The following KCNH4 variants were observed in gnomAD, a reference collection of about 807,000 sequenced individuals.
KCNH4 encodes potassium voltage-gated channel subfamily H member 4, also known as voltage-gated delayed rectifier potassium channel KCNH4.
In KCNH4, 33 loss-of-function variants were observed where a neutral mutation model predicts 90.7. The ratio of observed to expected loss-of-function variants is 0.36; its 90% confidence interval spans 0.28 to 0.49. The LOEUF (loss-of-function observed/expected upper bound fraction) is 0.49. Among genes scored for constraint, KCNH4 ranks in the 20% least tolerant of loss-of-function variants. The probability of loss-of-function intolerance (pLI) is 0.98; values close to 1 mark genes in which losing one functional copy is unlikely to be tolerated. For synonymous variants in KCNH4, 551 were observed against 581.7 expected (o/e 0.95, Z 0.76); for missense variants, 1,044 against 1,387.1 (o/e 0.75, Z 3.93).
In KCNH4 at chr17:42,158,856, A is replaced by AT. The variant is rs1240646600; in HGVS notation, c.*309+874dup. On this transcript the variant is annotated intron_variant, in intron 16 of 16. Transcript: ENST00000264661. ...TCTATAAAAAAATATATATATATATATTTTTTTTATAGAGATAGGGTCTCG... is the reference window on the plus strand; with the variant it reads ...TCTATAAAAAAATATATATATATATATTTTTTTTTATAGAGATAGGGTCTCG... Among the ~76,000 whole-genome samples the AT allele has an allele frequency of 8.8e-4, 132 of 149,916 alleles. 1 individual carries two copies. Among genetic ancestry groups the AT allele is most frequent in the Non-Finnish European group, 1.1e-3 (77 of 67,576 alleles).
In KCNH4 at chr17:42,181,019, C is replaced by T; in HGVS notation, c.-74G>A. The T allele has an allele frequency of 1.4e-6, 2 of 1,398,844 alleles. No individual in the cohort carries two copies. Among genetic ancestry groups the T allele is most frequent in the Non-Finnish European group, 2.0e-6 (2 of 1,012,256 alleles). 86.7% of individuals were successfully genotyped at this position (1,398,844 alleles called of 1,614,324 possible). On this transcript the variant is annotated 5_prime_UTR_variant, in exon 1 of 17. Coordinates refer to ENST00000264661, the MANE Select transcript of KCNH4 (RefSeq NM_012285.3). ...GGCCGGGCCGGAGGGGGCGCGCTGT[C>T]GGAGGGGCCGGGGCGCCCCATGCGC...
chr17:42,174,306 C>T (rs150251044), intron 6 of KCNH4, among the ~76,000 whole-genome samples: 2 of 152,224 alleles, frequency 1.3e-5, no homozygotes, highest in East Asian at 3.9e-4. Context: ...CCGTGGGGCT[C>T]CCATGTGATG....
intron 11 of KCNH4, 143 bp from the exon 12 acceptor site, chr17:42,164,311 C>A: frequency 1.4e-6 from 1 of 696,710 alleles, no homozygotes; most frequent in South Asian, 2.1e-5. Context: ...AACCCTAACT[C>A]AAACAAACAC....
chr17:42,161,051 C>T lies in KCNH4; in HGVS notation c.2659-616G>A, dbSNP rs144106201. ...ACGAGATTCTCCTGCCTCAGCCTCC[C>T]AAGTAGCCGAGACTATAGGTGTGTG... is the stretch of plus-strand genomic sequence containing the variant. On this transcript the variant is annotated intron_variant, in intron 15 of 16. Transcript: ENST00000264661. Among the ~76,000 whole-genome samples the T allele has an allele frequency of 6.1e-4, 92 of 150,150 alleles. No homozygotes were observed. The East Asian group carries it at 0.018, about 30-fold the overall frequency.
chr17:42,161,868 C>T (rs558877459), intron 15 of KCNH4, among the ~76,000 whole-genome samples: 1 of 151,436 alleles, frequency 6.6e-6, no homozygotes. Context: ...AAGTTCAGAG[C>T]GGTTGTGGGA....
rs1217438067 is a variant in KCNH4, at chr17:42,175,672, ACGAGGAG to A, written c.887_893del (p.Ala296ValfsTer32). On this transcript the variant is annotated frameshift_variant, in exon 6 of 17. Transcript: ENST00000264661. LOFTEE classifies it high-confidence loss of function. ...TGGCCAGGTAGTGGAGGCCAATGGAACGAGGAGCAGAGATTACCTGGCCGGACTGGGA... is the reference window on the plus strand; with the variant it reads ...TGGCCAGGTAGTGGAGGCCAATGGAACAGAGATTACCTGGCCGGACTGGGA... 6.2e-7 allele frequency: 1 copy of A among 1,614,146 alleles called. No homozygotes were observed. The highest frequency in any genetic ancestry group is 8.5e-7 in the Non-Finnish European group (1 of 1,180,008).
In KCNH4 at chr17:42,165,105, C is replaced by CA. The variant is rs572673540; in HGVS notation, c.2085+343dup. 4.6e-3 allele frequency among the ~76,000 whole-genome samples: 541 copies of CA among 116,500 alleles called. 3 individuals carry two copies. Among genetic ancestry groups the CA allele is most frequent in the East Asian group, 0.015 (60 of 3,946 alleles). The allele number at this position is 116,500 out of a possible 152,430, so 76.4% of individuals were successfully genotyped here. On this transcript the variant is annotated intron_variant, in intron 11 of 16. Transcript: ENST00000264661. ...TGGGCGACAGAGTAAGACTTCGTCT[C>CA]AAAAAAAAAAAACAAAACCCAAAAA...
chr17:42,158,892 C>A (rs61198758), intron 16 of KCNH4, among the ~76,000 whole-genome samples: 1 of 151,630 alleles, frequency 6.6e-6, no homozygotes, highest in Non-Finnish European at 1.5e-5. Context: ...CTATGTTGCT[C>A]AGGTGGATCT....
intron 5 of KCNH4, 140 bp from the exon 6 acceptor site, chr17:42,175,876 G>A (rs1006283059): frequency 2.4e-6 from 3 of 1,266,852 alleles, no homozygotes; most frequent in Non-Finnish European, 3.4e-6. Flanking sequence ...CCTTAGGGAG[G>A]ATAGGTTACA....
chr17:42,157,991 C>T lies in KCNH4; in HGVS notation c.*310-873G>A, dbSNP rs960713716. Among the ~76,000 whole-genome samples the T allele has an allele frequency of 3.3e-5, 5 of 152,078 alleles. No individual in the cohort carries two copies. The East Asian group carries it at 5.9e-4, about 18-fold the overall frequency. Reference sequence around the variant, plus strand: ...TTGCCCAGACTTGAGAGCAATGGCACGATCTCGGCTCACTGCACCCTCCAC... The same window carrying T: ...TTGCCCAGACTTGAGAGCAATGGCATGATCTCGGCTCACTGCACCCTCCAC... On this transcript the variant is annotated intron_variant, in intron 16 of 16. Transcript: ENST00000264661.
chr17:42,162,414 G>A, intron 14 of KCNH4, 93 bp from the exon 15 acceptor site: 1 of 1,043,112 alleles, frequency 9.6e-7, no homozygotes. Context: ...GGCAGGCGGA[G>A]AGCAGGGGGA....
chr17:42,175,506 G>A, intron 6 of KCNH4, 73 bp downstream of exon 6: 2 of 1,551,526 alleles, frequency 1.3e-6, no homozygotes, highest in Non-Finnish European at 1.8e-6. Context: ...TGGGTTTGGG[G>A]TCAGTCCCTT....
chr17:42,163,310 A>G lies in KCNH4; in HGVS notation c.2502T>C (p.Ser834=). The change falls in exon 14 of 17, where the codon TCT becomes TCC. Residue 834 remains serine, a synonymous_variant. Coordinates refer to ENST00000264661, the MANE Select transcript of KCNH4 (RefSeq NM_012285.3). This position sits in a 1 kb window ranked among gnomAD's most constrained non-coding sequence, Gnocchi z 5.4. The part of the protein sequence containing the change: ...SPRIVDGIED[S]GSTAEAPSFR... ...ATGAAGGGGCCTCAGCTGTGCTGCCAGAGTCCTCAATGCCATCCACTATCC... is the reference window on the plus strand; with the variant it reads ...ATGAAGGGGCCTCAGCTGTGCTGCCGGAGTCCTCAATGCCATCCACTATCC... 6.2e-7 allele frequency: 1 copy of G among 1,613,930 alleles called. No individual in the cohort carries two copies. Among genetic ancestry groups the G allele is most frequent in the Non-Finnish European group, 8.5e-7 (1 of 1,179,874 alleles).
intron 3 of KCNH4, 25 bp from the exon 4 acceptor site, chr17:42,178,252 T>A (rs941568060): frequency 6.2e-7 from 1 of 1,614,208 alleles, no homozygotes; most frequent in African/African-American, 1.3e-5. Flanking sequence ...GGTGCAGAGA[T>A]ACGTTGGGGC....
At position 42,181,140 on chromosome 17, in the gene KCNH4, GT is replaced by G; in HGVS notation, c.-196del. 2 of 537,250 alleles carry G rather than the reference GT, an allele frequency of 3.7e-6. No homozygotes were observed. Among genetic ancestry groups the G allele is most frequent in the African/African-American group, 2.0e-5 (1 of 49,084 alleles). The allele number at this position is 537,250 out of a possible 1,614,324, so 33.3% of individuals were successfully genotyped here. A position where few individuals can be genotyped will look rare whatever the true frequency, so the allele number is the denominator to read the frequency against. On this transcript the variant is annotated 5_prime_UTR_variant, in exon 1 of 17. Coordinates refer to ENST00000264661, the MANE Select transcript of KCNH4 (RefSeq NM_012285.3). ...CTCGGCTCGGCTCAGCGCCGTTTCG[GT>G]CCCCCCCACCTCCCCACGGGCCAGG...
Position 42,169,597 on chromosome 17 carries a change from G to C in KCNH4, c.1470C>G (p.Ser490Arg). The C allele has an allele frequency of 6.2e-7, 1 of 1,614,004 alleles. No individual in the cohort carries two copies. The highest frequency in any genetic ancestry group is 2.2e-5 in the East Asian group (1 of 44,886). ...RMYSRRSLYH[S>R]RMKDLKDFIR... ...TGAAGTCCTTGAGGTCCTTCATGCG[G>C]CTGTGGTAGAGCGAGCGGCGCGAGT... is the stretch of plus-strand genomic sequence containing the variant. Residue 490 changes from serine (S) to arginine (R), a missense_variant, in exon 9 of 17, where the codon AGC (serine) becomes AGG (arginine). Around this residue, in one of 4 missense-constraint regions of KCNH4, gnomAD observed 318 missense variants for 479.6 expected, o/e 0.66. Coordinates refer to ENST00000264661, the MANE Select transcript of KCNH4 (RefSeq NM_012285.3).
intron 6 of KCNH4, among the ~76,000 whole-genome samples, chr17:42,173,993 G>C (rs763596682): frequency 6.6e-6 from 1 of 151,322 alleles, no homozygotes; most frequent in Non-Finnish European, 1.5e-5. Context: ...GATCCACTGC[G>C]CCCGGCCAAG....
At chr17:42,167,250 T>G (rs1413389236) in intron 9 of KCNH4, among the ~76,000 whole-genome samples, 1 of 152,054 alleles carries the variant, frequency 6.6e-6, no homozygotes, top group Non-Finnish European at 1.5e-5. Flanking sequence ...GCCCTAACTC[T>G]GGGTCCAGAC....
Position 42,170,168 on chromosome 17 carries a change from G to T in KCNH4, c.1329C>A (p.Gly443=). ...TLSSLTSVGF[G]NVCANTDAEK... Reference sequence around the variant, plus strand: ...CCGCGTCGGTGTTGGCACACACGTTGCCAAAGCCCACACTGGTGAGGCTGC... The same window carrying T: ...CCGCGTCGGTGTTGGCACACACGTTTCCAAAGCCCACACTGGTGAGGCTGC... Residue 443 remains glycine (G), a synonymous_variant, in exon 8 of 17, where the codon GGC becomes GGA. Coordinates refer to ENST00000264661, the MANE Select transcript of KCNH4 (RefSeq NM_012285.3). The T allele has an allele frequency of 6.2e-7, 1 of 1,613,646 alleles. No individual in the cohort carries two copies.
Sources: allele counts gnomAD v4.1 joint callset (sites outside exome capture counted in the v4.1 genomes callset), GRCh38; gene constraint gnomAD v4.1.1; regional missense constraint gnomAD v4.1.1; non-coding constraint Gnocchi (gnomAD v3.1); transcripts MANE v1.5; gene names NCBI Gene and HGNC (gene_info 2026-07-23, HGNC 2026-07-21).